Variants in ERC2 observed in about 807,000 individuals in gnomAD.
ERC2 encodes the protein ERC protein 2.
A neutral mutation model predicts 114.8 loss-of-function variants in ERC2; 42 were observed. The ratio of observed to expected loss-of-function variants is 0.37; its 90% confidence interval spans 0.29 to 0.47. The LOEUF is 0.47. Ranked by LOEUF, ERC2 falls within the 20% of genes least tolerant of loss-of-function variation. The pLI, the probability that ERC2 is intolerant of heterozygous loss-of-function variation, is 0.99. For synonymous variants in ERC2, 454 were observed against 425.5 expected (o/e 1.07, Z -0.82); for missense variants, 939 against 1,150.7 (o/e 0.82, Z 2.66).
chr3:55,738,847 G>T (rs916520293), intron 14 of ERC2, among the ~76,000 whole-genome samples: 1 of 152,064 alleles, frequency 6.6e-6, no homozygotes, highest in Non-Finnish European at 1.5e-5. Flanking sequence ...ATGCCATGGT[G>T]GTTTGCTGCA....
chr3:55,738,837 A>G (rs1375652495), intron 14 of ERC2, among the ~76,000 whole-genome samples: 2 of 152,130 alleles, frequency 1.3e-5, no homozygotes, highest in African/African-American at 2.4e-5. Flanking sequence ...AGATATATAC[A>G]TGCCATGGTG....
rs59471652 is a variant in ERC2, at chr3:56,087,179, T to TTGTGTGTG, written c.1474-6203_1474-6196dup. The stretch of plus-strand genomic sequence containing the variant: ...AATTGCTCATTTCCTTTTGATCCAT[T>TTGTGTGTG]TGTGTGTGTGTGTGTGTGTGTGTGT... On this transcript the variant is annotated intron_variant, in intron 6 of 17. Transcript: ENST00000288221. Among the ~76,000 whole-genome samples, 131 of 147,476 alleles carry TTGTGTGTG rather than the reference T, an allele frequency of 8.9e-4. 1 individual carries two copies. Among genetic ancestry groups the TTGTGTGTG allele is most frequent in the African/African-American group, 2.9e-3 (117 of 40,140 alleles).
At chr3:56,389,442 T>G (rs1266613049) in intron 2 of ERC2, among the ~76,000 whole-genome samples, 1 of 152,126 alleles carries the variant, frequency 6.6e-6, no homozygotes. Flanking sequence ...ACTGTTTCCC[T>G]GCCAGGGAAA....
chr3:56,214,425 T>A (rs1034122917), intron 3 of ERC2, among the ~76,000 whole-genome samples: 2 of 151,850 alleles, frequency 1.3e-5, no homozygotes. Context: ...AAATGAAGCA[T>A]GAAGAGAAGT....
chr3:55,524,309 C>A (rs2053163254), intron 17 of ERC2, among the ~76,000 whole-genome samples: 1 of 152,094 alleles, frequency 6.6e-6, no homozygotes, highest in South Asian at 2.1e-4. Context: ...GATGTGTGCA[C>A]AGTAAAGAGA....
intron 17 of ERC2, among the ~76,000 whole-genome samples, chr3:55,533,882 C>T: frequency 6.6e-6 from 1 of 152,162 alleles, no homozygotes; most frequent in Non-Finnish European, 1.5e-5. Context: ...TTTGATGATG[C>T]AGAGACAGTG....
intron 5 of ERC2, among the ~76,000 whole-genome samples, chr3:56,144,371 T>A (rs1283185878): frequency 6.6e-6 from 1 of 152,186 alleles, no homozygotes; most frequent in Non-Finnish European, 1.5e-5. Context: ...TGATCAACAC[T>A]CTTCTCAGGG....
chr3:55,971,785 C>T (rs1043701799), intron 12 of ERC2, among the ~76,000 whole-genome samples: 6 of 152,144 alleles, frequency 3.9e-5, no homozygotes, highest in Non-Finnish European at 5.9e-5. Flanking sequence ...ATTAAAATCT[C>T]AACTGTTGCC....
intron 13 of ERC2, among the ~76,000 whole-genome samples, chr3:55,945,330 AGGT>A (rs2067057423): frequency 1.3e-5 from 2 of 152,356 alleles, no homozygotes; most frequent in East Asian, 3.9e-4. Flanking sequence ...GGCAGTACTT[AGGT>A]AAGTGTACCA....
At chr3:56,052,901 A>G (rs961461794) in intron 7 of ERC2, among the ~76,000 whole-genome samples, 3 of 152,102 alleles carry the variant, frequency 2.0e-5, no homozygotes, top group African/African-American at 7.2e-5. Flanking sequence ...CTCCTGACAG[A>G]CCACACCTCC....
intron 17 of ERC2, among the ~76,000 whole-genome samples, chr3:55,616,350 G>C (rs1189790848): frequency 6.6e-6 from 1 of 152,170 alleles, no homozygotes; most frequent in Non-Finnish European, 1.5e-5. Context: ...TGTGGAAATG[G>C]AAAGTCCTTA....
chr3:56,385,000 C>T (rs1014102780), intron 2 of ERC2, among the ~76,000 whole-genome samples: 2 of 152,028 alleles, frequency 1.3e-5, no homozygotes, highest in Non-Finnish European at 2.9e-5. Context: ...ATATATGTGA[C>T]AGTTTATTTC....
chr3:56,117,761 C>A (rs928835863), intron 6 of ERC2, among the ~76,000 whole-genome samples: 1 of 152,220 alleles, frequency 6.6e-6, no homozygotes, highest in Admixed American at 6.5e-5. Context: ...ATTCGATGAG[C>A]ACCTGCTCTG....
intron 14 of ERC2, among the ~76,000 whole-genome samples, chr3:55,736,514 A>G (rs1303412345): frequency 6.6e-6 from 1 of 151,562 alleles, no homozygotes; most frequent in Non-Finnish European, 1.5e-5. Flanking sequence ...TTTTTATAGA[A>G]CTCTTTGCCA....
chr3:55,746,137 C>T (rs1318079023), intron 14 of ERC2, among the ~76,000 whole-genome samples: 2 of 152,108 alleles, frequency 1.3e-5, no homozygotes, highest in African/African-American at 2.4e-5. Flanking sequence ...CAAAACAGAT[C>T]GTCATGCCAT....
chr3:56,206,560 A>C (rs1283496241), intron 3 of ERC2, among the ~76,000 whole-genome samples: 1 of 152,194 alleles, frequency 6.6e-6, no homozygotes, highest in East Asian at 1.9e-4. Flanking sequence ...CCATTATAAG[A>C]GTTACATTCA....
At chr3:55,671,235 T>G (rs1031037918) in intron 17 of ERC2, among the ~76,000 whole-genome samples, 4 of 152,202 alleles carry the variant, frequency 2.6e-5, no homozygotes, top group African/African-American at 7.2e-5. Flanking sequence ...TGACATGTTA[T>G]CCCCTAAAAG....
chr3:56,198,532 A>G (rs2048236522), intron 3 of ERC2, among the ~76,000 whole-genome samples: 1 of 152,192 alleles, frequency 6.6e-6, no homozygotes, highest in African/African-American at 2.4e-5. Context: ...GAATACACAG[A>G]TGTCCAAACT....
At chr3:55,892,884 A>G (rs1559827880) in intron 13 of ERC2, among the ~76,000 whole-genome samples, 3 of 152,084 alleles carry the variant, frequency 2.0e-5, no homozygotes, top group Admixed American at 2.0e-4. Context: ...TTATGGTCTC[A>G]ATGTTTACGT....
Sources: gnomAD v4.1 joint callset for allele counts (sites outside exome capture counted in the v4.1 genomes callset) on GRCh38, gnomAD v4.1.1 for gene constraint, MANE v1.5 for transcripts, NCBI Gene and HGNC (gene_info 2026-07-23, HGNC 2026-07-21) for gene names.